The following RASGRP3 variants were observed in gnomAD, a reference collection of about 807,000 sequenced individuals.
The protein encoded by RASGRP3 is ras guanyl-releasing protein 3.
A neutral mutation model predicts 82.7 loss-of-function variants in RASGRP3; 54 were observed. The ratio of observed to expected loss-of-function variants is 0.65; its 90% CI spans 0.52 to 0.82. The LOEUF (loss-of-function observed/expected upper bound fraction) is 0.82, where lower values mean the gene tolerates loss of function less well. Ranked by LOEUF, RASGRP3 falls within the 40% of genes least tolerant of loss-of-function variation. The pLI is 0.00. For synonymous variants in RASGRP3, 309 were observed against 300.5 expected (o/e 1.03, Z -0.29); for missense variants, 861 against 828.9 (o/e 1.04, Z -0.48).
At chr2:33,479,319 A>G (rs1227006392) in intron 1 of RASGRP3, among the ~76,000 whole-genome samples, 1 of 152,108 alleles carries the variant, frequency 6.6e-6, no homozygotes, top group Non-Finnish European at 1.5e-5. Context: ...GCAACCGGGA[A>G]CTTTGTTATT....
rs78897674 is a variant in RASGRP3 at position 33,532,168 on chromosome 2, G to A, written c.1084-2155G>A. On this transcript the variant is annotated intron_variant, in intron 10 of 17. Transcript: ENST00000403687. The stretch of plus-strand genomic sequence containing the variant: ...GCCCACGGCTGATGTATTTTATTTG[G>A]CCCATACGGAATCCTAAACTTTTGT... 5.3e-5 allele frequency: 8 copies of A among 152,252 alleles called. No homozygotes were observed. In the East Asian group the frequency reaches 1.5e-3, roughly 29 times the overall value. The allele number at this position is 152,252 out of a possible 1,614,324, so 9.4% of individuals were successfully genotyped here.
intron 1 of RASGRP3, among the ~76,000 whole-genome samples, chr2:33,477,835 C>T (rs897504): frequency 0.79 from 120,251 of 152,114 alleles, 47,577 homozygotes; most frequent in African/African-American, 0.83. Flanking sequence ...TTCTGGAGAT[C>T]GCGTGGATCT....
intron 2 of RASGRP3, among the ~76,000 whole-genome samples, chr2:33,458,639 T>C (rs918063940): frequency 1.3e-5 from 2 of 152,186 alleles, no homozygotes; most frequent in Non-Finnish European, 2.9e-5. Context: ...TCAGATGGTA[T>C]GTGGAAGAGC....
intron 14 of RASGRP3, chr2:33,554,918 C>A (rs1675773876): frequency 6.6e-6 from 1 of 152,290 alleles, no homozygotes; most frequent in African/African-American, 2.4e-5. Flanking sequence ...TCACTTCCTA[C>A]TTGTTAACCA....
intron 10 of RASGRP3, among the ~76,000 whole-genome samples, chr2:33,530,346 G>A (rs1019397111): frequency 6.6e-6 from 1 of 152,116 alleles, no homozygotes; most frequent in African/African-American, 2.4e-5. Context: ...TACTCCGTGT[G>A]GTAGGCTGTA....
At chr2:33,535,874 G>A (rs1673553972) in intron 11 of RASGRP3, among the ~76,000 whole-genome samples, 1 of 152,170 alleles carries the variant, frequency 6.6e-6, no homozygotes, top group African/African-American at 2.4e-5. Context: ...ACCTGGCCAT[G>A]GTGTATTAAG....
intron 1 of RASGRP3, among the ~76,000 whole-genome samples, chr2:33,438,511 G>A (rs532819789): frequency 3.3e-5 from 5 of 151,466 alleles, no homozygotes; most frequent in East Asian, 1.9e-4. Context: ...GCAGTGAGCC[G>A]GGATCGCGCC....
chr2:33,466,742 G>A (rs2054133), intron 2 of RASGRP3, among the ~76,000 whole-genome samples: 59,259 of 151,436 alleles, frequency 0.39, 13,787 homozygotes, highest in Non-Finnish European at 0.49. Flanking sequence ...CAGACATAAC[G>A]CTATTGCACA....
chr2:33,553,870 C>G (rs1675616460), intron 14 of RASGRP3, among the ~76,000 whole-genome samples: 1 of 152,188 alleles, frequency 6.6e-6, no homozygotes, highest in Non-Finnish European at 1.5e-5. Context: ...TCCTGAATAG[C>G]TGGGACTATA....
At position 33,516,603 on chromosome 2, in the gene RASGRP3, G is replaced by T; in HGVS notation, c.132G>T (p.Trp44Cys). The change falls in exon 4 of 18, where the codon TGG becomes TGT. Residue 44 changes from tryptophan (W) to cysteine (C), a missense_variant. Trp to Cys is a radical substitution (Grantham distance 215). Coordinates refer to ENST00000403687, the MANE Select transcript of RASGRP3 (RefSeq NM_001139488.2). ...LPRIVLLMHR[W>C]YLSSTELAEK... ...GAATAGTTCTACTGATGCACCGATG[G>T]TATTTATCTTCCACTGAATTGGCAG... 1.3e-6 allele frequency: 2 copies of T among 1,592,832 alleles called. No homozygotes were observed. Among genetic ancestry groups the T allele is most frequent in the Non-Finnish European group, 1.7e-6 (2 of 1,165,282 alleles).
At chr2:33,452,235 T>G (rs373312350) in intron 2 of RASGRP3, among the ~76,000 whole-genome samples, 1 of 152,354 alleles carries the variant, frequency 6.6e-6, no homozygotes, top group South Asian at 2.1e-4. Flanking sequence ...TCCATTTATT[T>G]AGGGTCAGTT....
At chr2:33,479,286 C>T (rs996731672) in intron 1 of RASGRP3, among the ~76,000 whole-genome samples, 3 of 152,140 alleles carry the variant, frequency 2.0e-5, no homozygotes, top group Non-Finnish European at 4.4e-5. Flanking sequence ...AGTTCAGTGA[C>T]GGTCTTGATG....
At chr2:33,488,528 A>G (rs1574319102) in intron 1 of RASGRP3, among the ~76,000 whole-genome samples, 1 of 152,204 alleles carries the variant, frequency 6.6e-6, no homozygotes, top group East Asian at 1.9e-4. Context: ...ACAAAAAAAG[A>G]ACTCTCCATA....
At chr2:33,515,369 A>G (rs1252440213) in intron 3 of RASGRP3, among the ~76,000 whole-genome samples, 163 bp downstream of exon 3, 1 of 151,998 alleles carries the variant, frequency 6.6e-6, no homozygotes, top group Non-Finnish European at 1.5e-5. Flanking sequence ...ACTGCCCTCC[A>G]TATTTCTTTC....
intron 1 of RASGRP3, among the ~76,000 whole-genome samples, chr2:33,444,397 CT>C (rs760723185): frequency 6.6e-6 from 1 of 152,062 alleles, no homozygotes; most frequent in Non-Finnish European, 1.5e-5. Context: ...CTAATAAAAA[CT>C]TTATATTCCC....
chr2:33,507,170 C>A (rs1459741884), intron 1 of RASGRP3, among the ~76,000 whole-genome samples: 1 of 152,086 alleles, frequency 6.6e-6, no homozygotes, highest in Non-Finnish European at 1.5e-5. Flanking sequence ...CCAAGGTGGG[C>A]AGATCACTTG....
At chr2:33,475,223 G>A (rs767506753), upstream of RASGRP3, among the ~76,000 whole-genome samples, 1 of 152,102 alleles carries the variant, frequency 6.6e-6, no homozygotes, top group Non-Finnish European at 1.5e-5. Context: ...GATTTGTTTT[G>A]GTGCTTACAA....
chr2:33,556,674 A>G (rs1676002880), intron 15 of RASGRP3, among the ~76,000 whole-genome samples: 1 of 152,308 alleles, frequency 6.6e-6, no homozygotes, highest in South Asian at 2.1e-4. Context: ...GTCGTTTTCC[A>G]GTATTTCGTC....
chr2:33,438,579 A>T (rs1665053083), intron 1 of RASGRP3, among the ~76,000 whole-genome samples: 1 of 148,950 alleles, frequency 6.7e-6, no homozygotes. Flanking sequence ...AAAAAAAAAA[A>T]ATTGTATTCA....
Sources: allele counts gnomAD v4.1 joint callset (sites outside exome capture counted in the v4.1 genomes callset), GRCh38; gene constraint gnomAD v4.1.1; transcripts MANE v1.5; gene names NCBI Gene and HGNC (gene_info 2026-07-23, HGNC 2026-07-21).